The following CNTN5 variants were observed in gnomAD, a reference collection of about 807,000 sequenced individuals.
CNTN5 encodes the protein contactin 5.
CNTN5 carries 77 observed loss-of-function variants against 129.1 expected under a neutral mutation model. The ratio of observed to expected loss-of-function variants is 0.60; its 90% CI spans 0.50 to 0.72. CNTN5 has a LOEUF of 0.72. CNTN5 is among the 30% of genes least tolerant of loss of function. The pLI is 0.00. For synonymous variants in CNTN5, 509 were observed against 465.6 expected (o/e 1.09, Z -1.20); for missense variants, 1,478 against 1,328.8 (o/e 1.11, Z -1.75).
At chr11:99,061,429 C>G (rs576962532) in intron 1 of CNTN5, among the ~76,000 whole-genome samples, 106 of 152,068 alleles carry the variant, frequency 7.0e-4, no homozygotes, top group Non-Finnish European at 9.6e-4. Context: ...TGCAAAGACA[C>G]CAGAAGTTTC....
chr11:99,359,858 G>T (rs966304154), intron 2 of CNTN5, among the ~76,000 whole-genome samples: 1 of 151,996 alleles, frequency 6.6e-6, no homozygotes, highest in African/African-American at 2.4e-5. Flanking sequence ...TCAGAAGGAA[G>T]AAAGGGGTAA....
At chr11:100,275,964 C>T (rs1400660452) in intron 18 of CNTN5, among the ~76,000 whole-genome samples, 1 of 152,158 alleles carries the variant, frequency 6.6e-6, no homozygotes, top group Non-Finnish European at 1.5e-5. Flanking sequence ...TGCACTCTGC[C>T]TCTATTAAGT....
chr11:99,763,941 G>A (rs1295011715), intron 3 of CNTN5, among the ~76,000 whole-genome samples: 1 of 151,938 alleles, frequency 6.6e-6, no homozygotes, highest in Non-Finnish European at 1.5e-5. Context: ...CTCCTAAAAA[G>A]AGCTTGTTCA....
chr11:99,504,122 A>C (rs1334634561), intron 2 of CNTN5, among the ~76,000 whole-genome samples: 1 of 152,218 alleles, frequency 6.6e-6, no homozygotes. Flanking sequence ...GATTTAAGGT[A>C]ATTTTAATAT....
chr11:99,692,732 A>G (rs554350925), intron 3 of CNTN5, among the ~76,000 whole-genome samples: 24 of 152,158 alleles, frequency 1.6e-4, no homozygotes, highest in South Asian at 4.1e-4. Flanking sequence ...CATTTTTTTC[A>G]TAATTCACAA....
chr11:100,206,145 G>A (rs567821953), intron 15 of CNTN5, among the ~76,000 whole-genome samples: 5 of 152,024 alleles, frequency 3.3e-5, no homozygotes, highest in Non-Finnish European at 1.5e-5. Flanking sequence ...CATCCAACCC[G>A]TGGAAGCAGG....
chr11:100,308,527 A>G (rs1951406541), intron 21 of CNTN5, 59 bp downstream of exon 21: 3 of 1,529,452 alleles, frequency 2.0e-6, no homozygotes, highest in Admixed American at 2.1e-5. Context: ...ACATTCTCCT[A>G]AAGAGAGGTT....
At chr11:99,721,898 T>C (rs971172336) in intron 3 of CNTN5, among the ~76,000 whole-genome samples, 2 of 152,180 alleles carry the variant, frequency 1.3e-5, no homozygotes, top group African/African-American at 4.8e-5. Flanking sequence ...TCAATGTCAC[T>C]GATAGTTAGA....
intron 6 of CNTN5, among the ~76,000 whole-genome samples, chr11:99,875,090 C>T (rs1165777526): frequency 6.6e-6 from 1 of 152,156 alleles, no homozygotes; most frequent in Non-Finnish European, 1.5e-5. Flanking sequence ...TATACTGATA[C>T]ATATAACCCA....
intron 3 of CNTN5, among the ~76,000 whole-genome samples, chr11:99,691,566 A>G (rs1389512134): frequency 6.6e-6 from 1 of 152,006 alleles, no homozygotes; most frequent in African/African-American, 2.4e-5. Flanking sequence ...ATTTTGAGTG[A>G]ATTTCTTAAT....
chr11:99,034,506 A>G (rs1317169230), intron 1 of CNTN5, among the ~76,000 whole-genome samples: 2 of 151,548 alleles, frequency 1.3e-5, no homozygotes, highest in African/African-American at 2.4e-5. Flanking sequence ...GGGAGAGTGT[A>G]TGTGTCGAGG....
intron 3 of CNTN5, among the ~76,000 whole-genome samples, chr11:99,580,342 C>T (rs1949530401): frequency 6.6e-6 from 1 of 152,278 alleles, no homozygotes; most frequent in East Asian, 1.9e-4. Flanking sequence ...ATGCTGGCCT[C>T]ATAAAATGAG....
intron 2 of CNTN5, among the ~76,000 whole-genome samples, chr11:99,448,836 G>A (rs1944184303): frequency 1.3e-5 from 2 of 149,766 alleles, no homozygotes; most frequent in South Asian, 2.1e-4. Flanking sequence ...GGAGAGTGGT[G>A]GTGTGATCAT....
At chr11:99,461,208 C>A (rs910924851) in intron 2 of CNTN5, among the ~76,000 whole-genome samples, 1 of 151,828 alleles carries the variant, frequency 6.6e-6, no homozygotes, top group South Asian at 2.1e-4. Flanking sequence ...GACTGGGATT[C>A]GGGGAAGGTA....
intron 2 of CNTN5, among the ~76,000 whole-genome samples, chr11:99,331,154 GT>G (rs1282392634): frequency 6.6e-6 from 1 of 152,072 alleles, no homozygotes; most frequent in East Asian, 1.9e-4. Context: ...AAGACAGTGT[GT>G]TTTGGGGACA....
intron 1 of CNTN5, among the ~76,000 whole-genome samples, chr11:99,147,436 C>A (rs968233452): frequency 1.3e-5 from 2 of 152,104 alleles, no homozygotes; most frequent in African/African-American, 4.8e-5. Context: ...ATTCCAGAGG[C>A]AAAGCTCCAT....
At position 99,218,189 on chromosome 11, in the gene CNTN5, A is replaced by G. The variant is rs546888184; in HGVS notation, c.-209-107157A>G. Among the ~76,000 whole-genome samples, 11 of 152,208 alleles carry G rather than the reference A, an allele frequency of 7.2e-5. No homozygotes were observed. The South Asian group carries it at 2.3e-3, about 32-fold the overall frequency. ...AGGTTATTTTCGTAGTTCTATTTAT[A>G]ATACTATCTTCCCTTGGACTCTGTG... is the stretch of plus-strand genomic sequence containing the variant. On this transcript the variant is annotated intron_variant, in intron 1 of 24. Coordinates refer to ENST00000524871, the MANE Select transcript of CNTN5 (RefSeq NM_014361.4).
At chr11:99,534,191 T>C (rs1947816836) in intron 2 of CNTN5, among the ~76,000 whole-genome samples, 1 of 152,220 alleles carries the variant, frequency 6.6e-6, no homozygotes, top group South Asian at 2.1e-4. Flanking sequence ...TGCGACTTGG[T>C]CAATAATATA....
At chr11:100,343,433 C>A (rs1353035378) in intron 23 of CNTN5, among the ~76,000 whole-genome samples, 1 of 151,788 alleles carries the variant, frequency 6.6e-6, no homozygotes, top group East Asian at 1.9e-4. Flanking sequence ...GGGATGATCC[C>A]CACTGAGAGA....
Sources: allele counts gnomAD v4.1 joint callset (sites outside exome capture counted in the v4.1 genomes callset), GRCh38; gene constraint gnomAD v4.1.1; transcripts MANE v1.5; gene names NCBI Gene and HGNC (gene_info 2026-07-23, HGNC 2026-07-21).